Variants in CCDC7 observed in about 807,000 individuals in gnomAD.
CCDC7 encodes the protein coiled-coil domain-containing protein 7.
A neutral mutation model predicts 196.9 loss-of-function variants in CCDC7; 183 were observed. That is an observed-to-expected ratio of 0.93 (90% confidence interval 0.82 to 1.05). The LOEUF is 1.05. CCDC7 is among the 50% of genes least tolerant of loss of function. The pLI is 0.00. For synonymous variants in CCDC7, 525 were observed against 484.6 expected, an observed-to-expected ratio of 1.08 and a Z score of -1.10; for missense variants, 1,540 against 1,482.2, an observed-to-expected ratio of 1.04 and a Z score of -0.64.
At chr10:32,473,198 G>A (rs2038300255) in intron 7 of CCDC7, among the ~76,000 whole-genome samples, 1 of 152,134 alleles carries the variant, frequency 6.6e-6, no homozygotes, top group African/African-American at 2.4e-5. Flanking sequence ...TGTGGAATTT[G>A]CATTGGGTCC....
intron 28 of CCDC7, among the ~76,000 whole-genome samples, chr10:32,768,761 AT>A (rs1178279236): frequency 6.6e-6 from 1 of 152,088 alleles, no homozygotes. Context: ...ATTTTTAAAT[AT>A]GTCGAGATTA....
intron 9 of CCDC7, among the ~76,000 whole-genome samples, chr10:32,492,534 A>G (rs576616517): frequency 5.3e-5 from 8 of 152,004 alleles, no homozygotes; most frequent in African/African-American, 1.9e-4. Flanking sequence ...AATACATGCT[A>G]CAACATGGAT....
intron 11 of CCDC7, among the ~76,000 whole-genome samples, chr10:32,526,136 A>T (rs766711895): frequency 4.6e-5 from 7 of 152,174 alleles, no homozygotes; most frequent in Non-Finnish European, 7.4e-5. Flanking sequence ...CCATGATACA[A>T]AGTTCTTCCC....
chr10:32,578,962 T>C (rs1272405036), intron 16 of CCDC7, among the ~76,000 whole-genome samples: 1 of 152,232 alleles, frequency 6.6e-6, no homozygotes, highest in Admixed American at 6.5e-5. Flanking sequence ...CAGTGTGATA[T>C]AATATCTGGA....
intron 16 of CCDC7, among the ~76,000 whole-genome samples, chr10:32,579,376 C>G (rs565192100): frequency 6.6e-6 from 1 of 152,052 alleles, no homozygotes; most frequent in Non-Finnish European, 1.5e-5. Flanking sequence ...TCACCATGTG[C>G]TTGGCCAGCC....
intron 8 of CCDC7, among the ~76,000 whole-genome samples, chr10:32,489,513 C>A (rs2041826326): frequency 6.6e-6 from 1 of 152,160 alleles, no homozygotes; most frequent in South Asian, 2.1e-4. Context: ...GGGCCCTGGG[C>A]AAGGCTAGCA....
intron 33 of CCDC7, among the ~76,000 whole-genome samples, chr10:32,835,614 ATAAATGGGAGC>A (rs1466199333): frequency 6.6e-6 from 1 of 152,120 alleles, no homozygotes; most frequent in Non-Finnish European, 1.5e-5. Flanking sequence ...GTCCTCACCT[ATAAATGGGAGC>A]TAAATGATGA....
rs570210417 is a variant in CCDC7 at position 32,763,828 on chromosome 10, A to G, written c.2906-15149A>G. Among the ~76,000 whole-genome samples, 7 of 151,966 alleles carry G rather than the reference A, an allele frequency of 4.6e-5. No homozygotes were observed. The East Asian group carries it at 1.4e-3, about 29-fold the overall frequency. On this transcript the variant is annotated intron_variant, in intron 28 of 41. Coordinates refer to ENST00000639629, the Ensembl canonical transcript of CCDC7. ...GTTACCTGAGGCTGAGGGAAGGGGG[A>G]CAAATGGGGAGATGTTACAAAAGGG...
At chr10:32,802,280 A>G (rs556487398) in intron 29 of CCDC7, among the ~76,000 whole-genome samples, 12 of 152,306 alleles carry the variant, frequency 7.9e-5, no homozygotes, top group African/African-American at 2.9e-4. Flanking sequence ...GGTCAAAGGT[A>G]TTATGTATAG....
intron 28 of CCDC7, among the ~76,000 whole-genome samples, chr10:32,772,698 T>A (rs1013521241): frequency 6.6e-6 from 1 of 152,148 alleles, no homozygotes; most frequent in Non-Finnish European, 1.5e-5. Context: ...AATCTGGGAG[T>A]GCATGCAAGG....
At chr10:32,684,361 TC>T (rs967034687) in intron 21 of CCDC7, among the ~76,000 whole-genome samples, 3 of 152,170 alleles carry the variant, frequency 2.0e-5, no homozygotes, top group African/African-American at 7.2e-5. Flanking sequence ...TCTGTGTCAG[TC>T]TGGGGGCCCC....
intron 11 of CCDC7, among the ~76,000 whole-genome samples, chr10:32,532,006 T>A (rs375436176): frequency 5.9e-5 from 9 of 152,172 alleles, no homozygotes; most frequent in African/African-American, 2.2e-4. Context: ...CTTTGTTGAT[T>A]TTCTGCACAT....
Position 32,808,458 on chromosome 10 carries a change from A to G in CCDC7, c.3097+3360A>G, listed in dbSNP as rs1477576015. ...ACTCAGCTAGCCAGTTGTAGCCACT[A>G]CTAACACCAGTGCATGCTACTTGGG... is the stretch of plus-strand genomic sequence containing the variant. On this transcript the variant is annotated intron_variant, in intron 30 of 41. Transcript: ENST00000639629. Among the ~76,000 whole-genome samples, 7 of 152,116 alleles carry G rather than the reference A, an allele frequency of 4.6e-5. No homozygotes were observed. In the East Asian group the frequency reaches 1.2e-3, roughly 25 times the overall value.
chr10:32,877,195 A>C (rs1192184485), downstream of CCDC7: 1 of 152,118 alleles, frequency 6.6e-6, no homozygotes, highest in Non-Finnish European at 1.5e-5. Flanking sequence ...TTTACATTTT[A>C]TATAGTAATG....
chr10:32,460,781 C>G (rs2035466857), intron 3 of CCDC7, among the ~76,000 whole-genome samples: 1 of 152,150 alleles, frequency 6.6e-6, no homozygotes, highest in Non-Finnish European at 1.5e-5. Context: ...GCAAAGCAAT[C>G]ACCTGCAGGT....
intron 24 of CCDC7, among the ~76,000 whole-genome samples, chr10:32,708,071 ATAC>A (rs753292711): frequency 1.2e-4 from 18 of 152,286 alleles, no homozygotes; most frequent in Non-Finnish European, 2.5e-4. Flanking sequence ...ACTTCAAACT[ATAC>A]TACAAGGCTA....
At chr10:32,534,668 G>A (rs1374604470) in intron 11 of CCDC7, among the ~76,000 whole-genome samples, 1 of 151,950 alleles carries the variant, frequency 6.6e-6, no homozygotes, top group East Asian at 1.9e-4. Context: ...GAATTGGGGA[G>A]GTCCCAAAAG....
chr10:32,797,191 A>ATATG (rs1565530602), intron 29 of CCDC7, among the ~76,000 whole-genome samples: 1 of 148,800 alleles, frequency 6.7e-6, no homozygotes, highest in Non-Finnish European at 1.5e-5. Flanking sequence ...GTATATATAT[A>ATATG]CGTATATATA....
intron 9 of CCDC7, among the ~76,000 whole-genome samples, chr10:32,494,960 G>A (rs1422962639): frequency 6.6e-6 from 1 of 152,116 alleles, no homozygotes; most frequent in African/African-American, 2.4e-5. Flanking sequence ...GATTCTTGAG[G>A]AATCACCACA....
Sources: gnomAD v4.1 joint callset for allele counts (sites outside exome capture counted in the v4.1 genomes callset) on GRCh38, gnomAD v4.1.1 for gene constraint, MANE v1.5 for transcripts, NCBI Gene and HGNC (gene_info 2026-07-23, HGNC 2026-07-21) for gene names.